NEDD4L: variants seen among roughly 807,000 people sequenced by gnomAD.
The protein encoded by NEDD4L is NEDD4 like E3 ubiquitin protein ligase.
NEDD4L carries 54 observed loss-of-function variants against 148.9 expected under a neutral mutation model. That is an observed-to-expected ratio of 0.36 (90% CI 0.29 to 0.45). The LOEUF (loss-of-function observed/expected upper bound fraction) is 0.45. Ranked by LOEUF, NEDD4L falls within the 20% of genes least tolerant of loss-of-function variation. The pLI is 1.00. For missense variants in NEDD4L, 856 were observed against 1,233.8 expected (o/e 0.69, Z 4.59); for synonymous variants, 433 against 440.7 (o/e 0.98, Z 0.22).
chr18:58,182,073 T>A (rs1443101288), intron 2 of NEDD4L, among the ~76,000 whole-genome samples: 1 of 152,196 alleles, frequency 6.6e-6, no homozygotes, highest in Non-Finnish European at 1.5e-5. Context: ...GTTGGGTGAT[T>A]TTCTCTCTGG....
At chr18:58,133,468 G>A (rs893430569) in intron 1 of NEDD4L, among the ~76,000 whole-genome samples, 24 of 152,118 alleles carry the variant, frequency 1.6e-4, no homozygotes, top group African/African-American at 5.8e-4. Flanking sequence ...TTTAGCAGCT[G>A]GAACAGGACT....
intron 9 of NEDD4L, 33 bp downstream of exon 9, chr18:58,325,195 A>G: frequency 6.2e-7 from 1 of 1,611,536 alleles, no homozygotes; most frequent in Non-Finnish European, 8.5e-7. Flanking sequence ...GAACACGTGC[A>G]CGTGCACTGC....
intron 2 of NEDD4L, among the ~76,000 whole-genome samples, chr18:58,218,587 C>T (rs1168629294): frequency 2.0e-5 from 3 of 152,308 alleles, no homozygotes; most frequent in African/African-American, 7.2e-5. Flanking sequence ...TCCCTCCTCT[C>T]CTTTTGCTTA....
At position 58,335,507 on chromosome 18, in the gene NEDD4L, A is replaced by G. The variant is rs769141069; in HGVS notation, c.1095A>G (p.Ser365=). The change falls in exon 13 of 31, where the codon TCA becomes TCG. Residue 365 remains serine, a synonymous_variant. Transcript: ENST00000400345. ...PPSAPAGRAR[S]STVTGGEEPT... ...GTGCCCCAGCTGGGAGAGCGCGTTC[A>G]TCAACTGTCACGGGTGGTGAGGAAC... 10 of 1,613,572 alleles carry G rather than the reference A, an allele frequency of 6.2e-6. No homozygotes were observed. In the East Asian group the frequency reaches 1.8e-4, roughly 29 times the overall value.
intron 24 of NEDD4L, among the ~76,000 whole-genome samples, chr18:58,379,902 T>A (rs2048111088): frequency 1.3e-5 from 2 of 151,420 alleles, no homozygotes; most frequent in African/African-American, 2.4e-5. Flanking sequence ...GGAGCAGAAT[T>A]ACAAACCCCT....
At chr18:58,354,384 G>A (rs1218635267) in intron 18 of NEDD4L, among the ~76,000 whole-genome samples, 1 of 150,166 alleles carries the variant, frequency 6.7e-6, no homozygotes, top group Admixed American at 6.6e-5. Flanking sequence ...CTTCCTTCTT[G>A]TCCTTTTATT....
chr18:58,277,307 C>G (rs693652), intron 5 of NEDD4L, among the ~76,000 whole-genome samples: 1 of 151,954 alleles, frequency 6.6e-6, no homozygotes, highest in Non-Finnish European at 1.5e-5. Flanking sequence ...GATAGTAATC[C>G]TAGGATAATC....
At chr18:58,342,083 GT>G (rs2042506767) in intron 15 of NEDD4L, among the ~76,000 whole-genome samples, 1 of 152,174 alleles carries the variant, frequency 6.6e-6, no homozygotes, top group Non-Finnish European at 1.5e-5. Context: ...TTCTTGTTGT[GT>G]TTCGCTTCTT....
chr18:58,087,678 C>T (rs1308085352), intron 1 of NEDD4L, among the ~76,000 whole-genome samples: 1 of 152,042 alleles, frequency 6.6e-6, no homozygotes, highest in Non-Finnish European at 1.5e-5. Context: ...AGTTTGAGAC[C>T]ATCCTGACCA....
intron 5 of NEDD4L, among the ~76,000 whole-genome samples, chr18:58,267,908 C>T (rs982552108): frequency 6.6e-6 from 1 of 152,030 alleles, no homozygotes; most frequent in Non-Finnish European, 1.5e-5. Flanking sequence ...GAGGCAGGCC[C>T]TTCAGAAGCG....
At chr18:58,357,064 T>G in intron 18 of NEDD4L, 130 bp from the exon 19 acceptor site, 1 of 776,958 alleles carries the variant, frequency 1.3e-6, no homozygotes, top group Non-Finnish European at 2.1e-6. Flanking sequence ...CTAATTTGTC[T>G]TTAGAACACA....
intron 1 of NEDD4L, among the ~76,000 whole-genome samples, chr18:58,089,622 G>T (rs1292543599): frequency 9.9e-5 from 15 of 151,336 alleles, no homozygotes; most frequent in Admixed American, 9.2e-4. Context: ...TCAGAAAAGT[G>T]AAAGGTGAAT....
rs531036440 is a variant in NEDD4L at position 58,081,539 on chromosome 18, A to G, written c.48+36831A>G. Among the ~76,000 whole-genome samples, 8 of 152,200 alleles carry G rather than the reference A, an allele frequency of 5.3e-5. No individual in the cohort carries two copies. The South Asian group carries it at 1.7e-3, about 32-fold the overall frequency. On this transcript the variant is annotated intron_variant, in intron 1 of 30. Transcript: ENST00000400345. Reference sequence around the variant, plus strand: ...TGGAACACCACCCATTTTTTAAAGCAGAGAATTTATTGTTATTTGCACAAA... The same window carrying G: ...TGGAACACCACCCATTTTTTAAAGCGGAGAATTTATTGTTATTTGCACAAA...
chr18:58,063,720 C>A (rs2082449398), intron 1 of NEDD4L, among the ~76,000 whole-genome samples: 1 of 151,836 alleles, frequency 6.6e-6, no homozygotes, highest in African/African-American at 2.4e-5. Flanking sequence ...CACTCGCCAC[C>A]ATGCCCGGCT....
At chr18:58,315,469 TA>T (rs368631949) in intron 5 of NEDD4L, among the ~76,000 whole-genome samples, 3,466 of 147,458 alleles carry the variant, frequency 0.024, 123 homozygotes, top group African/African-American at 0.084. Flanking sequence ...CTTACTAGAT[TA>T]AAAAAAAAAC....
At chr18:58,313,944 G>A (rs375866324) in intron 5 of NEDD4L, among the ~76,000 whole-genome samples, 3 of 152,240 alleles carry the variant, frequency 2.0e-5, no homozygotes, top group Non-Finnish European at 4.4e-5. Context: ...GAATAAGATT[G>A]TCTTGTCCTT....
At chr18:58,289,165 A>G (rs1280765333) in intron 5 of NEDD4L, among the ~76,000 whole-genome samples, 1 of 152,246 alleles carries the variant, frequency 6.6e-6, no homozygotes, top group East Asian at 1.9e-4. Context: ...AGTAAATTTG[A>G]TAGTAAACTG....
At chr18:58,190,138 A>C (rs1393727992) in intron 2 of NEDD4L, among the ~76,000 whole-genome samples, 1 of 152,252 alleles carries the variant, frequency 6.6e-6, no homozygotes, top group Non-Finnish European at 1.5e-5. Flanking sequence ...TTCAATTAAC[A>C]TATTGTTCAA....
At chr18:58,221,838 T>TA in intron 2 of NEDD4L, 1 of 526,996 alleles carries the variant, frequency 1.9e-6, no homozygotes, top group Non-Finnish European at 2.4e-6. Flanking sequence ...GTTGGTTTAA[T>TA]ACTGTTTTTA....
Sources: allele counts gnomAD v4.1 joint callset (sites outside exome capture counted in the v4.1 genomes callset), GRCh38; gene constraint gnomAD v4.1.1; transcripts MANE v1.5; gene names NCBI Gene and HGNC (gene_info 2026-07-23, HGNC 2026-07-21).